The following SLIT3 variants were observed in gnomAD, a reference collection of about 807,000 sequenced individuals.
SLIT3 encodes slit guidance ligand 3, also known as slit homolog 3 protein.
Under a neutral mutation model 184.0 loss-of-function variants are expected in SLIT3, and 68 were observed. That is an observed-to-expected ratio of 0.37 (90% CI 0.30 to 0.45). SLIT3 has a LOEUF of 0.45. SLIT3 is among the 20% of genes least tolerant of loss of function. The probability of loss-of-function intolerance (pLI) is 1.00; values close to 1 mark genes in which losing one functional copy is unlikely to be tolerated. For synonymous variants in SLIT3, 831 were observed against 828.6 expected, an observed-to-expected ratio of 1.00 and a Z score of -0.05; for missense variants, 1,707 against 2,026.0, an observed-to-expected ratio of 0.84 and a Z score of 3.02.
intron 14 of SLIT3, among the ~76,000 whole-genome samples, chr5:168,770,208 C>T (rs1052682589): frequency 6.6e-6 from 1 of 152,194 alleles, no homozygotes; most frequent in Non-Finnish European, 1.5e-5. Context: ...ACTGATCTTG[C>T]TGCCCAAGGC....
intron 4 of SLIT3, among the ~76,000 whole-genome samples, chr5:169,004,873 C>G (rs1309957458): frequency 6.6e-6 from 1 of 152,158 alleles, no homozygotes; most frequent in East Asian, 1.9e-4. Flanking sequence ...AGAATCTGAT[C>G]ATGCTGGCAC....
At chr5:169,154,633 T>C (rs1254668953) in intron 4 of SLIT3, among the ~76,000 whole-genome samples, 1 of 152,232 alleles carries the variant, frequency 6.6e-6, no homozygotes, top group Non-Finnish European at 1.5e-5. Flanking sequence ...TTATTCCTCA[T>C]TAATAAAGTC....
chr5:168,673,133 G>C (rs752073333), intron 33 of SLIT3, 44 bp downstream of exon 33: 2 of 1,600,922 alleles, frequency 1.2e-6, no homozygotes, highest in Admixed American at 3.3e-5. Context: ...CTGGAGCACA[G>C]AGGGCCAGAG....
chr5:169,221,267 A>G (rs1561748070), intron 3 of SLIT3, among the ~76,000 whole-genome samples: 1 of 152,174 alleles, frequency 6.6e-6, no homozygotes, highest in Non-Finnish European at 1.5e-5. Context: ...AGAAAATCTC[A>G]TGATTCCATT....
chr5:169,117,652 T>A (rs888623764), intron 4 of SLIT3, among the ~76,000 whole-genome samples: 5 of 152,158 alleles, frequency 3.3e-5, no homozygotes, highest in Non-Finnish European at 7.4e-5. Context: ...TTAGCCAGAA[T>A]TCTGTTTGTT....
chr5:168,808,076 T>G (rs1013777473), intron 8 of SLIT3, among the ~76,000 whole-genome samples: 3 of 152,006 alleles, frequency 2.0e-5, no homozygotes, highest in African/African-American at 7.3e-5. Flanking sequence ...AATGGCCTCA[T>G]AGTGGGGATG....
chr5:168,832,641 C>T (rs770135201), intron 6 of SLIT3, among the ~76,000 whole-genome samples: 9 of 152,176 alleles, frequency 5.9e-5, no homozygotes, highest in Admixed American at 2.0e-4. Context: ...TGGGGACTGT[C>T]GTAAACCCAG....
chr5:169,270,575 G>T (rs1199623398), intron 1 of SLIT3, among the ~76,000 whole-genome samples: 8 of 152,164 alleles, frequency 5.3e-5, no homozygotes, highest in Non-Finnish European at 7.4e-5. Flanking sequence ...GCAGAGTTGT[G>T]TAGCTGCCAC....
intron 4 of SLIT3, among the ~76,000 whole-genome samples, chr5:169,181,272 T>C (rs973088847): frequency 7.2e-5 from 11 of 152,158 alleles, no homozygotes; most frequent in African/African-American, 2.4e-4. Flanking sequence ...GATTCTCCTA[T>C]AGAGAGGTTT....
intron 16 of SLIT3, among the ~76,000 whole-genome samples, chr5:168,755,869 G>A (rs1028364484): frequency 3.3e-5 from 5 of 152,180 alleles, no homozygotes; most frequent in Non-Finnish European, 4.4e-5. Flanking sequence ...TTAGCACTGC[G>A]AGTTAGCAGT....
At chr5:168,871,664 AT>A (rs1759526721) in intron 5 of SLIT3, among the ~76,000 whole-genome samples, 1 of 152,128 alleles carries the variant, frequency 6.6e-6, no homozygotes, top group East Asian at 1.9e-4. Context: ...GGGGGCACAT[AT>A]TTGTCTAGGA....
At chr5:169,037,531 C>T (rs922709700) in intron 4 of SLIT3, 1 of 152,234 alleles carries the variant, frequency 6.6e-6, no homozygotes, top group Non-Finnish European at 1.5e-5. Context: ...AGGATGGAGC[C>T]CCGACACTGA....
At chr5:168,932,413 C>G (rs867662079) in intron 4 of SLIT3, among the ~76,000 whole-genome samples, 24 of 151,524 alleles carry the variant, frequency 1.6e-4, no homozygotes, top group Admixed American at 3.9e-4. Context: ...TACACACACA[C>G]AGAGATTTCT....
At chr5:168,910,185 T>C (rs1309119041) in intron 4 of SLIT3, among the ~76,000 whole-genome samples, 1 of 152,358 alleles carries the variant, frequency 6.6e-6, no homozygotes, top group East Asian at 1.9e-4. Context: ...AGGCTAGCTA[T>C]GTAGTGAAGT....
At chr5:168,837,100 G>A (rs1049013540) in intron 6 of SLIT3, among the ~76,000 whole-genome samples, 2 of 152,180 alleles carry the variant, frequency 1.3e-5, no homozygotes, top group Non-Finnish European at 2.9e-5. Context: ...TGGCACGAGA[G>A]CATTTATAGA....
At chr5:168,788,533 C>T (rs772558875) in intron 11 of SLIT3, among the ~76,000 whole-genome samples, 1 of 152,150 alleles carries the variant, frequency 6.6e-6, no homozygotes, top group Non-Finnish European at 1.5e-5. Context: ...GCCTTTTCTA[C>T]CTGTTACTGT....
At chr5:169,231,306 T>G (rs1764993025) in intron 3 of SLIT3, among the ~76,000 whole-genome samples, 2 of 152,204 alleles carry the variant, frequency 1.3e-5, no homozygotes, top group Non-Finnish European at 2.9e-5. Flanking sequence ...ATGAAACCTC[T>G]ACCCAGATCA....
At chr5:168,989,702 C>CCCAT (rs1254369952) in intron 4 of SLIT3, among the ~76,000 whole-genome samples, 2 of 152,138 alleles carry the variant, frequency 1.3e-5, no homozygotes, top group Admixed American at 1.3e-4. Flanking sequence ...AGTCACTGTT[C>CCCAT]CCATAGCCAC....
Position 169,264,077 on chromosome 5 carries a change from G to A in SLIT3, c.198-12618C>T, listed in dbSNP as rs113147107. ...CTCCTACCTTCCAAAAAAAACCACT[G>A]AAAAAAGGAGTCCAGTTAACCTAAG... On this transcript the variant is annotated intron_variant, in intron 1 of 35. Transcript: ENST00000519560. 2.9e-3 allele frequency among the ~76,000 whole-genome samples: 437 copies of A among 151,538 alleles called. 3 individuals are homozygous for A. The highest frequency in any genetic ancestry group is 4.4e-3 in the South Asian group (21 of 4,794).
Sources: gnomAD v4.1 joint callset for allele counts (sites outside exome capture counted in the v4.1 genomes callset) on GRCh38, gnomAD v4.1.1 for gene constraint, MANE v1.5 for transcripts, NCBI Gene and HGNC (gene_info 2026-07-23, HGNC 2026-07-21) for gene names.